KIAA1549L: variants seen among roughly 807,000 people sequenced by gnomAD.
The protein encoded by KIAA1549L is UPF0606 protein KIAA1549L.
A neutral mutation model predicts 160.7 loss-of-function variants in KIAA1549L; 88 were observed. That is an observed-to-expected ratio of 0.55 (90% CI 0.46 to 0.65). The LOEUF is 0.65. Among genes scored for constraint, KIAA1549L ranks in the 30% least tolerant of loss-of-function variants. KIAA1549L has a pLI of 0.00. For synonymous variants in KIAA1549L, 950 were observed against 976.7 expected (o/e 0.97, Z 0.51); for missense variants, 2,258 against 2,437.5 (o/e 0.93, Z 1.55).
At chr11:33,404,881 G>A (rs1850612752) in intron 1 of KIAA1549L, among the ~76,000 whole-genome samples, 1 of 151,762 alleles carries the variant, frequency 6.6e-6, no homozygotes. Flanking sequence ...ATGGTGGCAT[G>A]CCTGTAATCC....
At chr11:33,412,312 T>G (rs985327757) in intron 1 of KIAA1549L, among the ~76,000 whole-genome samples, 1 of 152,252 alleles carries the variant, frequency 6.6e-6, no homozygotes, top group Non-Finnish European at 1.5e-5. Flanking sequence ...ACTTGTCTTC[T>G]TGGGTATTAT....
At chr11:33,575,059 G>A (rs1021780449) in intron 10 of KIAA1549L, among the ~76,000 whole-genome samples, 186 bp downstream of exon 10, 4 of 152,154 alleles carry the variant, frequency 2.6e-5, no homozygotes, top group Non-Finnish European at 5.9e-5. Context: ...TTTAGATACT[G>A]GAAGGATGGT....
intron 1 of KIAA1549L, among the ~76,000 whole-genome samples, chr11:33,534,292 G>A (rs1195176783): frequency 2.0e-5 from 3 of 150,324 alleles, no homozygotes; most frequent in Non-Finnish European, 4.4e-5. Flanking sequence ...GGGTTTCACC[G>A]TGTTGGTCAG....
intron 1 of KIAA1549L, among the ~76,000 whole-genome samples, chr11:33,468,359 G>GA (rs1169509087): frequency 6.6e-6 from 1 of 151,704 alleles, no homozygotes; most frequent in African/African-American, 2.4e-5. Flanking sequence ...ACAAAGTTTT[G>GA]AAAAAAAATT....
At chr11:33,555,511 T>G (rs1191581767) in intron 6 of KIAA1549L, among the ~76,000 whole-genome samples, 1 of 152,206 alleles carries the variant, frequency 6.6e-6, no homozygotes, top group Non-Finnish European at 1.5e-5. Context: ...AACCCTCTTG[T>G]ATATGGTCAA....
chr11:33,427,207 C>A (rs1851134834), intron 1 of KIAA1549L, among the ~76,000 whole-genome samples: 1 of 151,850 alleles, frequency 6.6e-6, no homozygotes, highest in South Asian at 2.1e-4. Context: ...TGCTTCATAC[C>A]TTCTCTTCCT....
At chr11:33,636,371 CAG>C (rs1851438362) in intron 16 of KIAA1549L, among the ~76,000 whole-genome samples, 1 of 132,674 alleles carries the variant, frequency 7.5e-6, no homozygotes, top group Non-Finnish European at 1.6e-5. Context: ...TTTTTTGAGA[CAG>C]AGTCTCGCTG....
At chr11:33,624,021 G>T (rs1851029479) in intron 16 of KIAA1549L, among the ~76,000 whole-genome samples, 1 of 152,096 alleles carries the variant, frequency 6.6e-6, no homozygotes, top group South Asian at 2.1e-4. Flanking sequence ...CTTCTTTCAG[G>T]CCAGGGTCCT....
At chr11:33,456,944 C>T (rs991202295) in intron 1 of KIAA1549L, among the ~76,000 whole-genome samples, 2 of 152,204 alleles carry the variant, frequency 1.3e-5, no homozygotes, top group Admixed American at 6.5e-5. Flanking sequence ...CATTTTGCTC[C>T]CCTTCTCCTT....
At chr11:33,416,723 A>G (rs1266039722) in intron 1 of KIAA1549L, among the ~76,000 whole-genome samples, 1 of 152,192 alleles carries the variant, frequency 6.6e-6, no homozygotes, top group East Asian at 1.9e-4. Flanking sequence ...GTGATTCAAA[A>G]CAAACAAGGG....
In KIAA1549L at chr11:33,672,701, G is replaced by C. The variant is rs1356403072; in HGVS notation, c.*4547G>C. On this transcript the variant is annotated 3_prime_UTR_variant, in exon 21 of 21. Coordinates refer to ENST00000658780, the MANE Select transcript of KIAA1549L (RefSeq NM_012194.3). The stretch of plus-strand genomic sequence containing the variant: ...ACATCAGGTGAGGGTGCACACACTT[G>C]AAACTCTGCTAGACTGGCCAGAGCT... 1.3e-5 allele frequency: 2 copies of C among 153,812 alleles called. No individual in the cohort carries two copies. The highest frequency in any genetic ancestry group is 4.8e-5 in the African/African-American group (2 of 41,450). 9.5% of individuals were successfully genotyped at this position (153,812 alleles called of 1,614,324 possible). A position where few individuals can be genotyped will look rare whatever the true frequency, so the allele number is the denominator to read the frequency against.
At chr11:33,629,760 G>A (rs1275294952) in intron 16 of KIAA1549L, among the ~76,000 whole-genome samples, 1 of 150,852 alleles carries the variant, frequency 6.6e-6, no homozygotes, top group East Asian at 1.9e-4. Flanking sequence ...GGAGTAATTT[G>A]ATCGTCTGAA....
chr11:33,566,088 A>G (rs763444777), intron 8 of KIAA1549L, among the ~76,000 whole-genome samples: 1 of 152,198 alleles, frequency 6.6e-6, no homozygotes, highest in Non-Finnish European at 1.5e-5. Context: ...TTAAGTGTGC[A>G]ATCCAGTGGG....
chr11:33,545,827 A>G lies in KIAA1549L; in HGVS notation c.3385+449A>G, dbSNP rs75116102. Among the ~76,000 whole-genome samples, 959 of 152,354 alleles carry G rather than the reference A, an allele frequency of 6.3e-3. 6 individuals carry two copies. Among genetic ancestry groups the G allele is most frequent in the African/African-American group, 0.022 (894 of 41,580 alleles). On this transcript the variant is annotated intron_variant, in intron 3 of 20. Transcript: ENST00000658780. ...CCATTTTGCATCAATGATGTCTCAC[A>G]TGAATGAATGATGTGGTTTGTAAGA... is the stretch of plus-strand genomic sequence containing the variant.
intron 18 of KIAA1549L, among the ~76,000 whole-genome samples, chr11:33,656,851 A>G (rs925131183): frequency 3.3e-5 from 5 of 152,096 alleles, no homozygotes; most frequent in Non-Finnish European, 7.4e-5. Context: ...AGTGGTTTAG[A>G]ATGCGGAGGG....
intron 16 of KIAA1549L, among the ~76,000 whole-genome samples, chr11:33,631,372 G>A (rs537634524): frequency 6.6e-6 from 1 of 152,280 alleles, no homozygotes; most frequent in Non-Finnish European, 1.5e-5. Context: ...TTGCATGCAT[G>A]CATCACTCCG....
At chr11:33,455,238 A>G (rs888678592) in intron 1 of KIAA1549L, among the ~76,000 whole-genome samples, 3 of 152,240 alleles carry the variant, frequency 2.0e-5, no homozygotes, top group Admixed American at 6.5e-5. Flanking sequence ...TGCCAGCAAT[A>G]ACAAGTGCTT....
At chr11:33,632,012 G>T (rs1442427910) in intron 16 of KIAA1549L, among the ~76,000 whole-genome samples, 1 of 152,202 alleles carries the variant, frequency 6.6e-6, no homozygotes, top group East Asian at 1.9e-4. Flanking sequence ...AGATTTGACG[G>T]AATATCAAAA....
rs1849957674 is a variant in KIAA1549L, at chr11:33,376,623, G to C, written c.-29G>C. On this transcript the variant is annotated 5_prime_UTR_variant, in exon 1 of 21. Transcript: ENST00000658780. This position sits in a 1 kb window ranked among gnomAD's most constrained non-coding sequence, Gnocchi z 5.8. ...GCTCCCCGGCGCGGTGCAGAGCGAG[G>C]CAGCGGCCTGGATGTGTGAAGCGTC... 6.7e-6 allele frequency: 1 copy of C among 150,054 alleles called. No individual in the cohort carries two copies. The highest frequency in any genetic ancestry group is 2.4e-5 in the African/African-American group (1 of 41,350). The allele number at this position is 150,054 out of a possible 1,614,324, so 9.3% of individuals were successfully genotyped here. A position where few individuals can be genotyped will look rare whatever the true frequency, so the allele number is the denominator to read the frequency against.
Sources: gnomAD v4.1 joint callset for allele counts (sites outside exome capture counted in the v4.1 genomes callset) on GRCh38, gnomAD v4.1.1 for gene constraint, Gnocchi (gnomAD v3.1) non-coding constraint, MANE v1.5 for transcripts, NCBI Gene and HGNC (gene_info 2026-07-23, HGNC 2026-07-21) for gene names.